The following EBF1 variants were observed in gnomAD, a reference collection of about 807,000 sequenced individuals.
The protein encoded by EBF1 is EBF transcription factor 1, also known as transcription factor COE1.
A neutral mutation model predicts 68.4 loss-of-function variants in EBF1; 10 were observed. The ratio of observed to expected loss-of-function variants is 0.15; its 90% CI spans 0.09 to 0.25. EBF1 has a LOEUF of 0.25. Among genes scored for constraint, EBF1 ranks in the 10% least tolerant of loss-of-function variants. The probability of loss-of-function intolerance (pLI) is 1.00; values close to 1 mark genes in which losing one functional copy is unlikely to be tolerated. For missense variants in EBF1, 509 were observed against 794.4 expected, an observed-to-expected ratio of 0.64 and a Z score of 4.32; for synonymous variants, 298 against 299.8, an observed-to-expected ratio of 0.99 and a Z score of 0.06.
chr5:158,702,719 G>C (rs1021364378), intron 15 of EBF1, among the ~76,000 whole-genome samples: 1 of 119,800 alleles, frequency 8.3e-6, no homozygotes, highest in Non-Finnish European at 1.6e-5. Context: ...ACTCCAGCCT[G>C]GGCTACAGAG....
rs552328301 is a variant in EBF1 at position 159,097,934 on chromosome 5, C to T, written c.135-804G>A. Among the ~76,000 whole-genome samples the T allele has an allele frequency of 3.5e-4, 54 of 152,146 alleles. No homozygotes were observed. The South Asian group carries it at 3.7e-3, about 11-fold the overall frequency. On this transcript the variant is annotated intron_variant, in intron 1 of 15. Transcript: ENST00000313708. ...TGCCCAACACAAGCGCGCACAGGCA[C>T]ACACACACACATAGAAGAACACACA...
At chr5:158,734,783 T>C (rs1032548263) in intron 10 of EBF1, among the ~76,000 whole-genome samples, 7 of 151,922 alleles carry the variant, frequency 4.6e-5, no homozygotes, top group Non-Finnish European at 1.0e-4. Flanking sequence ...AGCATGAGCA[T>C]CTTAGATTGA....
At chr5:158,701,761 T>C (rs553318739) in intron 15 of EBF1, among the ~76,000 whole-genome samples, 2 of 152,334 alleles carry the variant, frequency 1.3e-5, no homozygotes, top group African/African-American at 2.4e-5. Context: ...AGTTTATACA[T>C]GATAGCACAA....
intron 6 of EBF1, among the ~76,000 whole-genome samples, chr5:158,982,795 TA>T (rs200643698): frequency 0.019 from 2,769 of 143,338 alleles, 87 homozygotes; most frequent in African/African-American, 0.065. Flanking sequence ...TATATATATA[TA>T]GTGGTCTAAA....
At chr5:158,903,693 C>T (rs546723673) in intron 6 of EBF1, among the ~76,000 whole-genome samples, 6 of 152,072 alleles carry the variant, frequency 3.9e-5, no homozygotes, top group Non-Finnish European at 8.8e-5. Context: ...TACAAATAGA[C>T]ACTTTATTGA....
intron 6 of EBF1, among the ~76,000 whole-genome samples, chr5:159,036,558 G>C (rs1192521032): frequency 1.6e-5 from 2 of 124,892 alleles, no homozygotes; most frequent in African/African-American, 6.6e-5. Flanking sequence ...ATGGGGAAAG[G>C]ATTCCCTATT....
chr5:159,015,789 C>T (rs1227742139), intron 6 of EBF1, among the ~76,000 whole-genome samples: 1 of 152,162 alleles, frequency 6.6e-6, no homozygotes, highest in Non-Finnish European at 1.5e-5. Flanking sequence ...AGAACTTGTA[C>T]ACATTTAAAC....
chr5:159,080,560 C>T (rs368960208), intron 5 of EBF1, among the ~76,000 whole-genome samples: 1 of 152,186 alleles, frequency 6.6e-6, no homozygotes, highest in Admixed American at 6.5e-5. Context: ...GTTCTTTTAT[C>T]CTCATTCACA....
intron 15 of EBF1, among the ~76,000 whole-genome samples, chr5:158,699,926 A>G (rs1376136723): frequency 1.3e-5 from 2 of 152,256 alleles, no homozygotes; most frequent in Non-Finnish European, 2.9e-5. Flanking sequence ...GAGGTCGCAG[A>G]TAGTGGTATT....
chr5:158,720,483 A>G (rs755168736), intron 11 of EBF1, among the ~76,000 whole-genome samples: 7 of 152,214 alleles, frequency 4.6e-5, no homozygotes, highest in Non-Finnish European at 8.8e-5. Flanking sequence ...ATTCTAAAAA[A>G]TCAGTATAAT....
At chr5:158,716,778 T>C (rs1257568605) in intron 11 of EBF1, among the ~76,000 whole-genome samples, 2 of 152,136 alleles carry the variant, frequency 1.3e-5, no homozygotes, top group African/African-American at 4.8e-5. Flanking sequence ...CGTGTTTGTG[T>C]TGGGGATCTA....
chr5:158,965,971 A>G (rs1440383909), intron 6 of EBF1, among the ~76,000 whole-genome samples: 1 of 152,220 alleles, frequency 6.6e-6, no homozygotes, highest in Non-Finnish European at 1.5e-5. Flanking sequence ...ACCTTGGCTT[A>G]GAGCAAAAAA....
At position 159,048,833 on chromosome 5, in the gene EBF1, A is replaced by G. The variant is rs151221707; in HGVS notation, c.554+24563T>C. 1.2e-3 allele frequency among the ~76,000 whole-genome samples: 181 copies of G among 152,270 alleles called. 1 individual carries two copies. The highest frequency in any genetic ancestry group is 4.2e-3 in the African/African-American group (173 of 41,552). On this transcript the variant is annotated intron_variant, in intron 6 of 15. Transcript: ENST00000313708. ...CTGGCTGATGAATTCCACACCAAAA[A>G]CAGGGTGAGGGCCGTTCAGCAACTT...
intron 6 of EBF1, among the ~76,000 whole-genome samples, chr5:158,911,323 A>C (rs1261897768): frequency 1.3e-5 from 2 of 152,268 alleles, no homozygotes; most frequent in East Asian, 3.9e-4. Context: ...ACTCAGTATC[A>C]CTAACTACAG....
intron 6 of EBF1, among the ~76,000 whole-genome samples, chr5:158,969,916 GAAAAAA>G (rs61157554): frequency 3.0e-4 from 24 of 80,098 alleles, no homozygotes; most frequent in African/African-American, 5.0e-4. Context: ...AAGAAAGAAA[GAAAAAA>G]AAAAAAAAGG....
chr5:159,078,629 G>C (rs1159189716), intron 5 of EBF1, among the ~76,000 whole-genome samples: 1 of 152,142 alleles, frequency 6.6e-6, no homozygotes, highest in African/African-American at 2.4e-5. Flanking sequence ...TGCTGCCAGG[G>C]TAAGATTTTA....
At chr5:159,053,409 G>T (rs1774173034) in intron 6 of EBF1, among the ~76,000 whole-genome samples, 1 of 152,192 alleles carries the variant, frequency 6.6e-6, no homozygotes, top group Non-Finnish European at 1.5e-5. Flanking sequence ...GCCAATGCCA[G>T]TCACTGCCAC....
At chr5:158,797,964 A>G (rs539163207) in intron 8 of EBF1, among the ~76,000 whole-genome samples, 1 of 152,280 alleles carries the variant, frequency 6.6e-6, no homozygotes, top group East Asian at 1.9e-4. Context: ...TTCCACAACT[A>G]TAGGGCTTTT....
intron 6 of EBF1, among the ~76,000 whole-genome samples, chr5:158,902,075 A>G (rs1365806151): frequency 2.6e-5 from 4 of 152,234 alleles, no homozygotes; most frequent in Admixed American, 1.3e-4. Flanking sequence ...TGGGCACGAC[A>G]GAGCAAGACT....
Sources: allele counts gnomAD v4.1 joint callset (sites outside exome capture counted in the v4.1 genomes callset), GRCh38; gene constraint gnomAD v4.1.1; transcripts MANE v1.5; gene names NCBI Gene and HGNC (gene_info 2026-07-23, HGNC 2026-07-21).